The following CD274 variants were observed in gnomAD, a reference collection of about 807,000 sequenced individuals.
The protein encoded by CD274 is programmed cell death 1 ligand 1.
CD274 carries 8 observed loss-of-function variants against 30.1 expected under a neutral mutation model. The ratio of observed to expected loss-of-function variants is 0.27; its 90% confidence interval spans 0.16 to 0.48. The LOEUF is 0.48. CD274 is among the 20% of genes least tolerant of loss of function. The pLI, the probability that CD274 is intolerant of heterozygous loss-of-function variation, is 0.99. For synonymous variants in CD274, 152 were observed against 124.6 expected (o/e 1.22, Z -1.46); for missense variants, 353 against 346.6 (o/e 1.02, Z -0.15).
rs745488617 is a variant in CD274, at chr9:5,457,332, A to G, written c.306A>G (p.Thr102=). 2.5e-6 allele frequency: 4 copies of G among 1,614,116 alleles called. No individual in the cohort carries two copies. The South Asian group carries it at 4.4e-5, about 18-fold the overall frequency. The change falls in exon 3 of 7, where the codon ACA becomes ACG. Residue 102 remains threonine (T), a synonymous_variant. Coordinates refer to ENST00000381577, the MANE Select transcript of CD274 (RefSeq NM_014143.4). ...TGGGAAATGCTGCACTTCAGATCAC[A>G]GATGTGAAATTGCAGGATGCAGGGG... The part of the protein sequence containing the change: ...LSLGNAALQI[T]DVKLQDAGVY...
In CD274 at chr9:5,465,495, T is replaced by C; in HGVS notation, c.683-4T>C. On this transcript the variant is annotated splice_polypyrimidine_tract_variant and splice_region_variant and intron_variant, in intron 4 of 6. Transcript: ENST00000381577. ...GTTTGTTTTCGTTTTGTTTTGTTTT[T>C]CAGAACTACCTCTGGCACATCCTCC... 6.3e-7 allele frequency: 1 copy of C among 1,585,656 alleles called. No homozygotes were observed. Among genetic ancestry groups the C allele is most frequent in the African/African-American group, 1.3e-5 (1 of 74,428 alleles).
Position 5,468,718 on chromosome 9 carries a change from T to G in CD274, c.*856T>G, listed in dbSNP as rs1819537933. ...AACCACCCTGTTGTGATAACCACTATTATTTTACCCATCGTACAGCTGAGG... is the reference window on the plus strand; with the variant it reads ...AACCACCCTGTTGTGATAACCACTAGTATTTTACCCATCGTACAGCTGAGG... On this transcript the variant is annotated 3_prime_UTR_variant, in exon 7 of 7. Coordinates refer to ENST00000381577, the MANE Select transcript of CD274 (RefSeq NM_014143.4). 4.3e-6 allele frequency: 1 copy of G among 233,000 alleles called. No individual in the cohort carries two copies. The highest frequency in any genetic ancestry group is 5.6e-5 in the Admixed American group (1 of 17,778). 14.4% of individuals were successfully genotyped at this position (233,000 alleles called of 1,614,324 possible).
At chr9:5,467,484 G>A (rs1283163708) in intron 6 of CD274, among the ~76,000 whole-genome samples, 2 of 152,144 alleles carry the variant, frequency 1.3e-5, no homozygotes, top group South Asian at 2.1e-4. Context: ...TTTTTTTAAT[G>A]TAGTTAGAAA....
At position 5,468,439 on chromosome 9, in the gene CD274, T is replaced by C. The variant is rs1316548684; in HGVS notation, c.*577T>C. On this transcript the variant is annotated 3_prime_UTR_variant, in exon 7 of 7. Transcript: ENST00000381577. ...TCGCCAAACTAAACTTGCTGCTTAA[T>C]GATTTGCTCACATCTAGTAAAACAT... The C allele has an allele frequency of 4.3e-6, 1 of 233,476 alleles. No individual in the cohort carries two copies. The highest frequency in any genetic ancestry group is 8.5e-6 in the Non-Finnish European group (1 of 118,308). 14.5% of individuals were successfully genotyped at this position (233,476 alleles called of 1,614,324 possible). A position where few individuals can be genotyped will look rare whatever the true frequency, so the allele number is the denominator to read the frequency against.
At chr9:5,455,761 T>A (rs957397681) in intron 1 of CD274, among the ~76,000 whole-genome samples, 2 of 152,218 alleles carry the variant, frequency 1.3e-5, no homozygotes, top group African/African-American at 2.4e-5. Context: ...ACTAGGTATG[T>A]TACAATGCAG....
intron 1 of CD274, among the ~76,000 whole-genome samples, 153 bp from the exon 2 acceptor site, chr9:5,455,947 C>T (rs774097662): frequency 1.3e-5 from 2 of 152,080 alleles, no homozygotes; most frequent in African/African-American, 2.4e-5. Flanking sequence ...AGATATTGAA[C>T]TTCCAATTCC....
chr9:5,466,804 A>G lies in CD274; in HGVS notation c.825A>G (p.Gln275=). 2 of 1,611,610 alleles carry G rather than the reference A, an allele frequency of 1.2e-6. No individual in the cohort carries two copies. Among genetic ancestry groups the G allele is most frequent in the Non-Finnish European group, 8.5e-7 (1 of 1,178,994 alleles). Residue 275 remains glutamine, a synonymous_variant, in exon 6 of 7, where the codon CAA becomes CAG. Transcript: ENST00000381577. ...TGGATGTGAAAAAATGTGGCATCCA[A>G]GATACAAACTCAAAGAAGCAAAGTG... ...RMMDVKKCGI[Q]DTNSKKQSDT...
At chr9:5,459,435 G>T (rs1024055077) in intron 3 of CD274, among the ~76,000 whole-genome samples, 23 of 152,252 alleles carry the variant, frequency 1.5e-4, no homozygotes, top group African/African-American at 4.8e-4. Context: ...GCTTGCAGGA[G>T]CTTCCCAACT....
In CD274 at chr9:5,457,404, T is replaced by C; in HGVS notation, c.378T>C (p.Ile126=). 1 of 1,612,702 alleles carries C rather than the reference T, an allele frequency of 6.2e-7. No individual in the cohort carries two copies. Among genetic ancestry groups the C allele is most frequent in the Non-Finnish European group, 8.5e-7 (1 of 1,178,786 alleles). The change falls in exon 3 of 7, where the codon ATT becomes ATC. Residue 126 remains isoleucine, a synonymous_variant. Coordinates refer to ENST00000381577, the MANE Select transcript of CD274 (RefSeq NM_014143.4). The stretch of plus-strand genomic sequence containing the variant: ...ATGGTGGTGCCGACTACAAGCGAAT[T>C]ACTGTGAAAGTCAATGGTAAGAATT... ...ISYGGADYKR[I]TVKVNAPYNK... is the part of the protein sequence containing the mutation.
chr9:5,462,869 G>T lies in CD274; in HGVS notation c.430G>T (p.Val144Leu). 1 of 1,613,834 alleles carries T rather than the reference G, an allele frequency of 6.2e-7. No individual in the cohort carries two copies. Among genetic ancestry groups the T allele is most frequent in the South Asian group, 1.1e-5 (1 of 91,082 alleles). Residue 144 changes from valine (V) to leucine (L), a missense_variant, in exon 4 of 7, where the codon GTG (valine) becomes TTG (leucine). Val to Leu is a conservative substitution (Grantham distance 32, BLOSUM62 1). Transcript: ENST00000381577. ...YNKINQRILV[V>L]DPVTSEHELT... is the part of the protein sequence containing the mutation. ...CAAAATCAACCAAAGAATTTTGGTT[G>T]TGGATCCAGTCACCTCTGAACATGA...
intron 1 of CD274, among the ~76,000 whole-genome samples, chr9:5,452,380 T>C (rs1819222794): frequency 6.6e-6 from 1 of 152,208 alleles, no homozygotes; most frequent in Admixed American, 6.5e-5. Flanking sequence ...AGAAGTAGTA[T>C]TAGTTCCATA....
chr9:5,455,089 G>A (rs1188189830), intron 1 of CD274, among the ~76,000 whole-genome samples: 1 of 152,112 alleles, frequency 6.6e-6, no homozygotes, highest in Non-Finnish European at 1.5e-5. Context: ...TTGATCATTT[G>A]TGAGTTCATG....
At position 5,468,892 on chromosome 9, in the gene CD274, T is replaced by C. The variant is rs1819541067; in HGVS notation, c.*1030T>C. ...CCATTTATTAAGTGCCCTTGCAATA[T>C]CAATCGCTGTGCCAGGCATTGAATC... On this transcript the variant is annotated 3_prime_UTR_variant, in exon 7 of 7. Transcript: ENST00000381577. 1 of 233,070 alleles carries C rather than the reference T, an allele frequency of 4.3e-6. No homozygotes were observed. The highest frequency in any genetic ancestry group is 2.2e-5 in the African/African-American group (1 of 45,342). 14.4% of individuals were successfully genotyped at this position (233,070 alleles called of 1,614,324 possible).
At chr9:5,460,103 G>C (rs1007128106) in intron 3 of CD274, among the ~76,000 whole-genome samples, 1 of 152,046 alleles carries the variant, frequency 6.6e-6, no homozygotes, top group African/African-American at 2.4e-5. Context: ...CAGAGTGGTG[G>C]TACGAAAAGA....
At chr9:5,453,799 T>C (rs1319240547) in intron 1 of CD274, among the ~76,000 whole-genome samples, 2 of 152,234 alleles carry the variant, frequency 1.3e-5, no homozygotes, top group Non-Finnish European at 2.9e-5. Flanking sequence ...TGTTGACGTT[T>C]TAGGCTGTAT....
chr9:5,460,887 A>G (rs1371925543), intron 3 of CD274, among the ~76,000 whole-genome samples: 2 of 152,176 alleles, frequency 1.3e-5, no homozygotes, highest in African/African-American at 4.8e-5. Context: ...GTTAATATAT[A>G]AGTTGTATCA....
At chr9:5,464,209 A>G (rs1199252262) in intron 4 of CD274, among the ~76,000 whole-genome samples, 2 of 152,168 alleles carry the variant, frequency 1.3e-5, no homozygotes, top group East Asian at 3.9e-4. Flanking sequence ...AAGCTAGATT[A>G]GTGGGTTCCT....
chr9:5,451,879 T>G (rs942253144), intron 1 of CD274, among the ~76,000 whole-genome samples: 6 of 152,046 alleles, frequency 3.9e-5, no homozygotes, highest in African/African-American at 1.4e-4. Context: ...GGGGCTCTTG[T>G]TATGTTGCCC....
intron 1 of CD274, among the ~76,000 whole-genome samples, chr9:5,452,903 G>T (rs1302412026): frequency 6.8e-6 from 1 of 146,506 alleles, no homozygotes; most frequent in Admixed American, 7.0e-5. Flanking sequence ...GGCATTAGGG[G>T]TATTTTAAGT....
Sources: gnomAD v4.1 joint callset for allele counts (sites outside exome capture counted in the v4.1 genomes callset) on GRCh38, gnomAD v4.1.1 for gene constraint, MANE v1.5 for transcripts, NCBI Gene and HGNC (gene_info 2026-07-23, HGNC 2026-07-21) for gene names.